IL1RAPL2: variants seen among roughly 807,000 people sequenced by gnomAD.
The protein encoded by IL1RAPL2 is interleukin 1 receptor accessory protein like 2.
IL1RAPL2 carries 3 observed loss-of-function variants against 44.1 expected under a neutral mutation model. That is an observed-to-expected ratio of 0.07 (90% CI 0.03 to 0.18). IL1RAPL2 has a LOEUF of 0.18. Among genes scored for constraint, IL1RAPL2 ranks in the 10% least tolerant of loss-of-function variants. IL1RAPL2 has a pLI of 1.00. For synonymous variants in IL1RAPL2, 181 were observed against 178.8 expected (o/e 1.01, Z -0.10); for missense variants, 391 against 496.4 (o/e 0.79, Z 2.02).
At chrX:105,150,338 T>C (rs2033216334) in intron 2 of IL1RAPL2, among the ~76,000 whole-genome samples, 1 of 111,938 alleles carries the variant, frequency 8.9e-6, no homozygotes, top group Non-Finnish European at 1.9e-5. Flanking sequence ...GGTACAAGCC[T>C]AGTTTCAGCT....
At chrX:105,074,616 G>A (rs1248538565) in intron 2 of IL1RAPL2, among the ~76,000 whole-genome samples, 2 of 105,583 alleles carry the variant, frequency 1.9e-5, no homozygotes, top group Admixed American at 1.0e-4. Flanking sequence ...CATTGAATCT[G>A]TAAATTACCT....
At chrX:105,029,051 G>A (rs2031427747) in intron 2 of IL1RAPL2, among the ~76,000 whole-genome samples, 1 of 108,934 alleles carries the variant, frequency 9.2e-6, no homozygotes, top group Non-Finnish European at 1.9e-5. Context: ...TTGCTTGAGT[G>A]CACCAATTTT....
chrX:105,073,701 C>T, intron 2 of IL1RAPL2, among the ~76,000 whole-genome samples: 1 of 111,800 alleles, frequency 8.9e-6, no homozygotes, highest in Non-Finnish European at 1.9e-5. Context: ...TCCTCTCCAG[C>T]ACCTGTTGTT....
intron 1 of IL1RAPL2, among the ~76,000 whole-genome samples, chrX:104,639,568 C>A (rs968782263): frequency 9.1e-6 from 1 of 110,250 alleles, no homozygotes; most frequent in East Asian, 2.9e-4. Flanking sequence ...CCATTTGCAT[C>A]CTTTCTTTTC....
At chrX:105,044,445 G>A (rs925992228) in intron 2 of IL1RAPL2, among the ~76,000 whole-genome samples, 2 of 110,490 alleles carry the variant, frequency 1.8e-5, no homozygotes, top group Admixed American at 9.8e-5. Context: ...AATGACATCA[G>A]ACAGGGGGTG....
intron 2 of IL1RAPL2, among the ~76,000 whole-genome samples, chrX:105,033,140 T>G (rs1482634737): frequency 8.9e-6 from 1 of 111,769 alleles, no homozygotes; most frequent in African/African-American, 3.3e-5. Context: ...ATGGGTTTCC[T>G]GAATACAGCA....
chrX:105,533,531 C>T (rs759711529), intron 6 of IL1RAPL2, among the ~76,000 whole-genome samples: 1 of 112,056 alleles, frequency 8.9e-6, no homozygotes, highest in South Asian at 3.7e-4. Flanking sequence ...TGTGTAACTA[C>T]CACCACAATC....
intron 5 of IL1RAPL2, among the ~76,000 whole-genome samples, chrX:105,366,004 A>G (rs1348911797): frequency 9.1e-6 from 1 of 109,381 alleles, no homozygotes; most frequent in Non-Finnish European, 1.9e-5. Flanking sequence ...CTGGAGTGCA[A>G]TGGCACAGTC....
chrX:105,660,539 A>T (rs930228519), intron 6 of IL1RAPL2, among the ~76,000 whole-genome samples: 1 of 111,604 alleles, frequency 9.0e-6, no homozygotes, highest in African/African-American at 3.3e-5. Context: ...AGATGAAAAG[A>T]TGAAGAAATA....
intron 2 of IL1RAPL2, among the ~76,000 whole-genome samples, chrX:104,783,105 G>A (rs1437736146): frequency 1.8e-5 from 2 of 112,143 alleles, no homozygotes; most frequent in African/African-American, 6.5e-5. Context: ...GAATTGGATT[G>A]TGGAGGAAAT....
intron 2 of IL1RAPL2, among the ~76,000 whole-genome samples, chrX:104,696,482 T>C (rs1406864908): frequency 8.9e-6 from 1 of 111,931 alleles, no homozygotes; most frequent in Non-Finnish European, 1.9e-5. Context: ...ATATTAAAGT[T>C]TGAAAAACAC....
rs2034097811 is a variant in IL1RAPL2 at position 105,234,073 on chromosome X, A to G, written c.543+69A>G. 3.4e-6 allele frequency: 3 copies of G among 875,743 alleles called. No homozygotes were observed. In the African/African-American group the frequency reaches 6.1e-5, roughly 18 times the overall value. 72.2% of individuals were successfully genotyped at this position (875,743 alleles called of 1,213,427 possible). Reference sequence around the variant, plus strand: ...AGCAGTCTTGGGGATGAGGAAAGGGAGATTTTTTTACTAGTTTTTGGTATT... The same window carrying G: ...AGCAGTCTTGGGGATGAGGAAAGGGGGATTTTTTTACTAGTTTTTGGTATT... On this transcript the variant is annotated intron_variant, in intron 4 of 10. Coordinates refer to ENST00000372582, the MANE Select transcript of IL1RAPL2 (RefSeq NM_017416.2).
intron 2 of IL1RAPL2, among the ~76,000 whole-genome samples, chrX:105,004,033 A>G (rs972344803): frequency 3.6e-5 from 4 of 111,510 alleles, no homozygotes; most frequent in Non-Finnish European, 7.6e-5. Context: ...GAAAAATCAG[A>G]CATGTCACTC....
intron 5 of IL1RAPL2, among the ~76,000 whole-genome samples, chrX:105,363,683 T>G (rs146683387): frequency 0.025 from 2,734 of 110,455 alleles, 34 homozygotes; most frequent in Non-Finnish European, 0.036. Flanking sequence ...AATTTTTATT[T>G]CTCTGATAAT....
intron 2 of IL1RAPL2, among the ~76,000 whole-genome samples, chrX:105,064,365 T>C (rs2032111418): frequency 8.9e-6 from 1 of 112,318 alleles, no homozygotes; most frequent in African/African-American, 3.2e-5. Flanking sequence ...CTGGCACAAA[T>C]GTTCTTTCCA....
At chrX:105,055,229 G>A (rs1262457660) in intron 2 of IL1RAPL2, among the ~76,000 whole-genome samples, 2 of 111,604 alleles carry the variant, frequency 1.8e-5, no homozygotes, top group Non-Finnish European at 3.8e-5. Flanking sequence ...TCCTCACATG[G>A]CAGAAAGAGC....
At chrX:104,702,599 A>G (rs978632778) in intron 2 of IL1RAPL2, among the ~76,000 whole-genome samples, 15 of 112,150 alleles carry the variant, frequency 1.3e-4, no homozygotes, top group Non-Finnish European at 2.8e-4. Flanking sequence ...CTTGAAAAGA[A>G]TATATGGAGA....
At chrX:105,506,323 A>G (rs1481377727) in intron 6 of IL1RAPL2, among the ~76,000 whole-genome samples, 1 of 111,365 alleles carries the variant, frequency 9.0e-6, no homozygotes, top group Non-Finnish European at 1.9e-5. Context: ...GACTGTGGCC[A>G]CTCATGCGGT....
intron 6 of IL1RAPL2, among the ~76,000 whole-genome samples, chrX:105,566,624 G>A: frequency 9.0e-6 from 1 of 111,714 alleles, no homozygotes; most frequent in East Asian, 2.8e-4. Context: ...CTTGGAGAGT[G>A]ATCGAGTTGA....
Sources: gnomAD v4.1 joint callset for allele counts (sites outside exome capture counted in the v4.1 genomes callset) on GRCh38, gnomAD v4.1.1 for gene constraint, MANE v1.5 for transcripts, NCBI Gene and HGNC (gene_info 2026-07-23, HGNC 2026-07-21) for gene names.